GPC6: variants seen among roughly 807,000 people sequenced by gnomAD.
GPC6 encodes glypican 6.
GPC6 carries 14 observed loss-of-function variants against 55.2 expected under a neutral mutation model. The ratio of observed to expected loss-of-function variants is 0.25; its 90% CI spans 0.17 to 0.40. The LOEUF is 0.40. Among genes scored for constraint, GPC6 ranks in the 10% least tolerant of loss-of-function variants. GPC6 has a pLI of 1.00. For missense variants in GPC6, 641 were observed against 708.5 expected (o/e 0.90, Z 1.08); for synonymous variants, 278 against 259.6 (o/e 1.07, Z -0.68).
chr13:93,288,821 GC>G (rs1878222457), intron 1 of GPC6, among the ~76,000 whole-genome samples: 1 of 152,164 alleles, frequency 6.6e-6, no homozygotes, highest in Admixed American at 6.5e-5. Context: ...TAAATACTTA[GC>G]CCACTAAGGT....
chr13:94,313,630 T>C (rs967770300), intron 6 of GPC6, among the ~76,000 whole-genome samples: 1 of 152,228 alleles, frequency 6.6e-6, no homozygotes, highest in Non-Finnish European at 1.5e-5. Flanking sequence ...GAGAATCATA[T>C]GGATTCTGAC....
At chr13:93,793,683 A>T (rs956020440) in intron 2 of GPC6, among the ~76,000 whole-genome samples, 1 of 152,210 alleles carries the variant, frequency 6.6e-6, no homozygotes, top group Admixed American at 6.5e-5. Flanking sequence ...TACTTTTATG[A>T]TGGTGATGAA....
At chr13:93,619,112 A>C (rs534452907) in intron 2 of GPC6, among the ~76,000 whole-genome samples, 1 of 152,310 alleles carries the variant, frequency 6.6e-6, no homozygotes, top group East Asian at 1.9e-4. Context: ...CAATGACAGA[A>C]AAGTCATTAT....
Position 93,927,626 on chromosome 13 carries a change from C to A in GPC6, c.711+97081C>A, listed in dbSNP as rs532126253. On this transcript the variant is annotated intron_variant, in intron 3 of 8. Transcript: ENST00000377047. ...TCAAGATGAGATTGTGGATCTACTG[C>A]ATAGTAAAATACAACTTTGGCAAGT... 5.3e-5 allele frequency among the ~76,000 whole-genome samples: 8 copies of A among 149,822 alleles called. No individual in the cohort carries two copies. The South Asian group carries it at 1.3e-3, about 24-fold the overall frequency.
intron 3 of GPC6, among the ~76,000 whole-genome samples, chr13:93,849,216 A>G (rs1007373226): frequency 6.6e-6 from 1 of 152,050 alleles, no homozygotes; most frequent in African/African-American, 2.4e-5. Flanking sequence ...CAGTCTTACC[A>G]TGGTTGGGAT....
At chr13:94,157,017 T>C (rs1309841593) in intron 4 of GPC6, among the ~76,000 whole-genome samples, 8 of 152,176 alleles carry the variant, frequency 5.3e-5, no homozygotes, top group Non-Finnish European at 1.2e-4. Context: ...GGAGCTGTGT[T>C]AGAAGCTATG....
chr13:93,528,405 T>C (rs1048017887), intron 1 of GPC6, among the ~76,000 whole-genome samples: 1 of 152,038 alleles, frequency 6.6e-6, no homozygotes, highest in African/African-American at 2.4e-5. Context: ...GCATTAAGAG[T>C]CAGAGAGAGT....
At chr13:93,229,957 A>T (rs1875952373) in intron 1 of GPC6, among the ~76,000 whole-genome samples, 1 of 152,164 alleles carries the variant, frequency 6.6e-6, no homozygotes. Context: ...CACTTAGGAA[A>T]TATACCCTGT....
At position 93,265,263 on chromosome 13, in the gene GPC6, A is replaced by G. The variant is rs73540354; in HGVS notation, c.160+37647A>G. Among the ~76,000 whole-genome samples the G allele has an allele frequency of 7.2e-3, 1,100 of 152,328 alleles. 16 individuals are homozygous for G. Among genetic ancestry groups the G allele is most frequent in the African/African-American group, 0.025 (1,030 of 41,576 alleles). On this transcript the variant is annotated intron_variant, in intron 1 of 8. Transcript: ENST00000377047. ...GAAATCAATGTGTTTGTTAAGAGCT[A>G]TATTTAAGTTTCCTTTTATGTATTT...
chr13:93,666,432 G>A (rs1345687605), intron 2 of GPC6, among the ~76,000 whole-genome samples: 7 of 152,112 alleles, frequency 4.6e-5, no homozygotes, highest in Admixed American at 1.3e-4. Flanking sequence ...AAAAATTGCA[G>A]TCCTGTCTGA....
chr13:93,579,083 C>A (rs1876809947), intron 2 of GPC6, among the ~76,000 whole-genome samples: 1 of 151,770 alleles, frequency 6.6e-6, no homozygotes, highest in Non-Finnish European at 1.5e-5. Flanking sequence ...TTGGTAGCTA[C>A]CAGAGGCTAG....
intron 3 of GPC6, among the ~76,000 whole-genome samples, chr13:93,976,852 A>C (rs1349004197): frequency 6.6e-6 from 1 of 151,942 alleles, no homozygotes; most frequent in Non-Finnish European, 1.5e-5. Flanking sequence ...AATTACTTAG[A>C]ATTAACATAT....
At chr13:93,485,493 T>A (rs1016267021) in intron 1 of GPC6, among the ~76,000 whole-genome samples, 3 of 152,196 alleles carry the variant, frequency 2.0e-5, no homozygotes, top group African/African-American at 7.2e-5. Context: ...CTGGACATAG[T>A]CTTGTTTATG....
At position 93,369,310 on chromosome 13, in the gene GPC6, T is replaced by A. The variant is rs150586773; in HGVS notation, c.160+141694T>A. Among the ~76,000 whole-genome samples the A allele has an allele frequency of 3.8e-3, 583 of 152,142 alleles. 5 individuals are homozygous for A. The highest frequency in any genetic ancestry group is 0.013 in the African/African-American group (549 of 41,518). ...CAGCAAAAATTCACTGCAATTACAA[T>A]AAATAAACTTGTTAAAAATAAAAGG... On this transcript the variant is annotated intron_variant, in intron 1 of 8. Transcript: ENST00000377047.
intron 4 of GPC6, among the ~76,000 whole-genome samples, chr13:94,069,208 T>C (rs145981067): frequency 2.0e-5 from 3 of 152,262 alleles, no homozygotes; most frequent in African/African-American, 7.2e-5. Context: ...ATGGAAGCTG[T>C]CAAGGCTTGG....
chr13:93,396,632 G>C (rs958766992), intron 1 of GPC6, among the ~76,000 whole-genome samples: 2 of 151,838 alleles, frequency 1.3e-5, no homozygotes, highest in African/African-American at 4.8e-5. Context: ...AGGCTTCCAG[G>C]CTTTAAATCT....
intron 2 of GPC6, among the ~76,000 whole-genome samples, chr13:93,748,968 G>A: frequency 6.6e-6 from 1 of 151,902 alleles, no homozygotes; most frequent in East Asian, 1.9e-4. Flanking sequence ...TTCGTCATTT[G>A]TATATTTTGT....
chr13:94,045,936 G>T (rs1883717800), intron 4 of GPC6, among the ~76,000 whole-genome samples: 1 of 151,882 alleles, frequency 6.6e-6, no homozygotes, highest in Non-Finnish European at 1.5e-5. Flanking sequence ...CAGTCCTAAA[G>T]GAAAGGTGTG....
chr13:93,435,203 CT>C (rs1877522091), intron 1 of GPC6, among the ~76,000 whole-genome samples: 1 of 152,116 alleles, frequency 6.6e-6, no homozygotes, highest in Admixed American at 6.6e-5. Flanking sequence ...CATCTTTGAT[CT>C]CTTAGGCCCA....
Sources: gnomAD v4.1 joint callset for allele counts (sites outside exome capture counted in the v4.1 genomes callset) on GRCh38, gnomAD v4.1.1 for gene constraint, MANE v1.5 for transcripts, NCBI Gene and HGNC (gene_info 2026-07-23, HGNC 2026-07-21) for gene names.